Variants in STK32B observed in about 807,000 individuals in gnomAD.
STK32B encodes serine/threonine-protein kinase 32B.
In STK32B, 43 loss-of-function variants were observed where a neutral mutation model predicts 52.6. The ratio of observed to expected loss-of-function variants is 0.82; its 90% CI spans 0.64 to 1.05. STK32B has a LOEUF of 1.05. STK32B is among the 50% of genes least tolerant of loss of function. The pLI, the probability that STK32B is intolerant of heterozygous loss-of-function variation, is 0.00. For synonymous variants in STK32B, 238 were observed against 204.3 expected, an observed-to-expected ratio of 1.17 and a Z score of -1.41; for missense variants, 621 against 534.6, an observed-to-expected ratio of 1.16 and a Z score of -1.59.
chr4:5,432,078 C>A (rs1000558419), intron 6 of STK32B, among the ~76,000 whole-genome samples: 45 of 152,302 alleles, frequency 3.0e-4, no homozygotes, highest in African/African-American at 1.1e-3. Context: ...TGAGAACTTA[C>A]TTTGTGTCAA....
At chr4:5,175,023 G>C (rs4324504) in intron 3 of STK32B, among the ~76,000 whole-genome samples, 110,185 of 152,014 alleles carry the variant, frequency 0.72, 40,214 homozygotes, top group East Asian at 0.9. Flanking sequence ...TTTCTCTAAA[G>C]TTCCCTTCTC....
intron 3 of STK32B, among the ~76,000 whole-genome samples, chr4:5,309,517 T>C (rs1730151425): frequency 6.6e-6 from 1 of 152,192 alleles, no homozygotes. Flanking sequence ...CAAAACAGTA[T>C]GGTGTTGACA....
At chr4:5,169,702 G>A (rs1388312121) in intron 3 of STK32B, among the ~76,000 whole-genome samples, 1 of 151,784 alleles carries the variant, frequency 6.6e-6, no homozygotes, top group Non-Finnish European at 1.5e-5. Context: ...TTGATTGTTT[G>A]GGAGAAATAA....
chr4:5,414,936 A>G (rs765852304), intron 5 of STK32B, among the ~76,000 whole-genome samples: 33 of 152,210 alleles, frequency 2.2e-4, no homozygotes, highest in East Asian at 3.9e-4. Flanking sequence ...AACAAAAACC[A>G]TATTTGAAGG....
At chr4:5,472,017 T>G (rs552496563) in intron 11 of STK32B, among the ~76,000 whole-genome samples, 1 of 152,206 alleles carries the variant, frequency 6.6e-6, no homozygotes, top group East Asian at 1.9e-4. Context: ...CAGAAAGCTC[T>G]TGGGGAGAGA....
intron 3 of STK32B, among the ~76,000 whole-genome samples, chr4:5,198,734 G>A (rs1020992823): frequency 4.6e-5 from 7 of 152,162 alleles, no homozygotes; most frequent in South Asian, 2.1e-4. Context: ...CCTGGCAGAC[G>A]GCTAGACTTG....
At chr4:5,195,472 C>T (rs1468793596) in intron 3 of STK32B, among the ~76,000 whole-genome samples, 1 of 152,132 alleles carries the variant, frequency 6.6e-6, no homozygotes, top group Non-Finnish European at 1.5e-5. Flanking sequence ...GCAGGCAGAT[C>T]ACCTGAGGTC....
chr4:5,154,307 C>G (rs539673026), intron 2 of STK32B, among the ~76,000 whole-genome samples: 87 of 151,528 alleles, frequency 5.7e-4, no homozygotes, highest in Non-Finnish European at 1.0e-3. Context: ...CCTCTCCCTC[C>G]TGGGTTCAAG....
At chr4:5,358,583 A>C (rs1387609074) in intron 4 of STK32B, among the ~76,000 whole-genome samples, 1 of 152,034 alleles carries the variant, frequency 6.6e-6, no homozygotes, top group East Asian at 1.9e-4. Context: ...GGAAAAAAAA[A>C]CCCTCTACCC....
chr4:5,314,569 C>T (rs1159265607), intron 3 of STK32B, among the ~76,000 whole-genome samples: 1 of 152,170 alleles, frequency 6.6e-6, no homozygotes, highest in African/African-American at 2.4e-5. Context: ...ACTCGGGAGG[C>T]TGAGGCAGGA....
At chr4:5,255,133 T>G (rs78903905) in intron 3 of STK32B, among the ~76,000 whole-genome samples, 3,976 of 152,228 alleles carry the variant, frequency 0.026, 238 homozygotes, top group Admixed American at 0.15. Flanking sequence ...TAAACTGAGA[T>G]TAATGGTATG....
chr4:5,383,607 C>G (rs1736064955), intron 4 of STK32B, among the ~76,000 whole-genome samples: 1 of 152,150 alleles, frequency 6.6e-6, no homozygotes, highest in South Asian at 2.1e-4. Context: ...TGGAGGTACC[C>G]AGCCCTGCCA....
At chr4:5,112,718 A>G (rs1714471561) in intron 1 of STK32B, among the ~76,000 whole-genome samples, 2 of 152,170 alleles carry the variant, frequency 1.3e-5, no homozygotes, top group Non-Finnish European at 2.9e-5. Flanking sequence ...TCACAAAGCT[A>G]GTACAAGAAA....
chr4:5,219,380 T>G (rs895482235), intron 3 of STK32B, among the ~76,000 whole-genome samples: 3 of 152,204 alleles, frequency 2.0e-5, no homozygotes, highest in African/African-American at 7.2e-5. Context: ...CTACATTTTT[T>G]TCGGGTTATC....
At chr4:5,310,734 G>A (rs1283630170) in intron 3 of STK32B, among the ~76,000 whole-genome samples, 1 of 152,080 alleles carries the variant, frequency 6.6e-6, no homozygotes, top group Admixed American at 6.5e-5. Flanking sequence ...AGAAGTATCT[G>A]CACTCCCACA....
At chr4:5,484,547 G>T (rs923458391) in intron 11 of STK32B, among the ~76,000 whole-genome samples, 2 of 152,140 alleles carry the variant, frequency 1.3e-5, no homozygotes, top group Non-Finnish European at 2.9e-5. Flanking sequence ...TATCCAGTTT[G>T]CCAGTCTGTC....
In STK32B at chr4:5,453,872, T is replaced by G. The variant is rs139283445; in HGVS notation, c.667-2935T>G. On this transcript the variant is annotated intron_variant, in intron 7 of 11. Coordinates refer to ENST00000282908, the MANE Select transcript of STK32B (RefSeq NM_018401.3). The surrounding 1 kb of genome is among the most constrained non-coding windows in gnomAD (Gnocchi z 4.0). ...GTGAGCCGAGATCATACCATTGCAC[T>G]CCAGTCTAGGCGACAAGAGTGAAAC... Among the ~76,000 whole-genome samples the G allele has an allele frequency of 1.3e-5, 2 of 151,762 alleles. No homozygotes were observed. The highest frequency in any genetic ancestry group is 4.8e-5 in the African/African-American group (2 of 41,378).
chr4:5,092,489 T>A (rs1713142034), intron 1 of STK32B, among the ~76,000 whole-genome samples: 1 of 149,524 alleles, frequency 6.7e-6, no homozygotes, highest in Non-Finnish European at 1.5e-5. Context: ...CCTCTGAGAT[T>A]GCGCCACTGC....
intron 3 of STK32B, among the ~76,000 whole-genome samples, chr4:5,237,191 G>GTCA (rs970409053): frequency 2.1e-4 from 32 of 152,164 alleles, no homozygotes; most frequent in African/African-American, 7.5e-4. Flanking sequence ...GCTAGGCTGG[G>GTCA]TCATGCACCC....
Sources: allele counts gnomAD v4.1 joint callset (sites outside exome capture counted in the v4.1 genomes callset), GRCh38; gene constraint gnomAD v4.1.1; non-coding constraint Gnocchi (gnomAD v3.1); transcripts MANE v1.5; gene names NCBI Gene and HGNC (gene_info 2026-07-23, HGNC 2026-07-21).